Variants in DEPDC5 observed in about 807,000 individuals in gnomAD.
The protein encoded by DEPDC5 is GATOR1 complex protein DEPDC5.
In DEPDC5, 73 loss-of-function variants were observed where a neutral mutation model predicts 217.3. The ratio of observed to expected loss-of-function variants is 0.34; its 90% confidence interval spans 0.28 to 0.41. The LOEUF is 0.41. Among genes scored for constraint, DEPDC5 ranks in the 10% least tolerant of loss-of-function variants. DEPDC5 has a pLI of 1.00. For synonymous variants in DEPDC5, 733 were observed against 756.7 expected (o/e 0.97, Z 0.51); for missense variants, 1,675 against 2,070.1 (o/e 0.81, Z 3.70).
chr22:31,813,082 A>G (rs1313342502), intron 20 of DEPDC5, among the ~76,000 whole-genome samples: 2 of 152,134 alleles, frequency 1.3e-5, no homozygotes, highest in African/African-American at 4.8e-5. Flanking sequence ...GAGTGGAAGA[A>G]TATTATGTCT....
At chr22:31,841,579 G>A (rs1003216158) in intron 27 of DEPDC5, among the ~76,000 whole-genome samples, 3 of 152,196 alleles carry the variant, frequency 2.0e-5, no homozygotes, top group African/African-American at 7.2e-5. Flanking sequence ...GAAGTGTCCC[G>A]TTGGTTACTT....
intron 28 of DEPDC5, among the ~76,000 whole-genome samples, 195 bp downstream of exon 28, chr22:31,843,407 T>C (rs1355101550): frequency 1.3e-5 from 2 of 152,208 alleles, no homozygotes; most frequent in African/African-American, 2.4e-5. Flanking sequence ...ATTCATCTTA[T>C]AATGTTTAGC....
chr22:31,899,909 C>T (rs2093619269), intron 40 of DEPDC5, among the ~76,000 whole-genome samples: 1 of 152,190 alleles, frequency 6.6e-6, no homozygotes, highest in African/African-American at 2.4e-5. Flanking sequence ...TCCACCCTTC[C>T]CCCTCCACTC....
intron 38 of DEPDC5, among the ~76,000 whole-genome samples, chr22:31,880,741 A>C (rs2093150806): frequency 6.6e-6 from 1 of 151,974 alleles, no homozygotes; most frequent in Non-Finnish European, 1.5e-5. Flanking sequence ...CTATATTAAA[A>C]ATACAAAATT....
chr22:31,883,715 G>C (rs773791400), intron 38 of DEPDC5, among the ~76,000 whole-genome samples: 2 of 152,228 alleles, frequency 1.3e-5, no homozygotes, highest in Middle Eastern at 3.2e-3. Context: ...TCTCAGGACT[G>C]CCTGGCCCTG....
At chr22:31,755,858 A>T (rs746423426) in intron 2 of DEPDC5, among the ~76,000 whole-genome samples, 73 of 151,600 alleles carry the variant, frequency 4.8e-4, no homozygotes, top group Non-Finnish European at 8.1e-4. Context: ...GAATCTTTTT[A>T]TTTTATTTTA....
chr22:31,770,385 GT>G (rs995820943), intron 7 of DEPDC5, among the ~76,000 whole-genome samples: 25 of 145,118 alleles, frequency 1.7e-4, no homozygotes, highest in Non-Finnish European at 2.1e-4. Context: ...TTGTTTTTTT[GT>G]TTTTTTTTTT....
At chr22:31,835,600 G>T (rs994110571) in intron 25 of DEPDC5, among the ~76,000 whole-genome samples, 2 of 152,196 alleles carry the variant, frequency 1.3e-5, no homozygotes, top group African/African-American at 2.4e-5. Context: ...AGGACATAAA[G>T]ATAGATTTGT....
rs1347249299 is a variant in DEPDC5, at chr22:31,822,748, A to G, written c.2062A>G (p.Thr688Ala). 7 of 1,614,158 alleles carry G rather than the reference A, an allele frequency of 4.3e-6. No individual in the cohort carries two copies. The highest frequency in any genetic ancestry group is 1.7e-4 in the Middle Eastern group (1 of 6,060). The change falls in exon 24 of 43, where the codon ACA (threonine) becomes GCA (alanine). Residue 688 changes from threonine (T) to alanine (A), a missense_variant. By Grantham distance (58) the Thr-to-Ala change is moderately conservative. Transcript: ENST00000651528. ...CATGTCCTTCTTGAACTTCAGTGGA[A>G]CAGAGGAGCTTTCTGTCGGCCTGCT... is the stretch of plus-strand genomic sequence containing the variant. The part of the protein sequence containing the change: ...DGMSFLNFSG[T>A]EELSVGLLSN...
In DEPDC5 at chr22:31,821,566, CA is replaced by C. The variant is rs775732498; in HGVS notation, c.1936del (p.Ser646AlafsTer16). The C allele has an allele frequency of 5.0e-6, 8 of 1,614,096 alleles. No homozygotes were observed. The highest frequency in any genetic ancestry group is 2.7e-5 in the African/African-American group (2 of 74,926). On this transcript the variant is annotated frameshift_variant, in exon 23 of 43. Transcript: ENST00000651528. LOFTEE classifies it high-confidence loss of function. ...GACAGAATATGGCGGAGCTACAAGG[CA>C]GCGGGCAGAGGGATCCAACTCACTC... Reference protein sequence around the residue: ...TRQNMAELQGSGQRDPTHSSA... With the variant: ...TRQNMAELQGXGQRDPTHSSA...
At chr22:31,830,426 G>C (rs1203197816) in intron 24 of DEPDC5, among the ~76,000 whole-genome samples, 1 of 152,264 alleles carries the variant, frequency 6.6e-6, no homozygotes, top group African/African-American at 2.4e-5. Flanking sequence ...TTGCAGGCTG[G>C]TGGGACTCTT....
intron 33 of DEPDC5, among the ~76,000 whole-genome samples, chr22:31,864,640 C>T (rs1419870536): frequency 4.0e-5 from 6 of 151,194 alleles, no homozygotes; most frequent in Admixed American, 1.3e-4. Context: ...CTCAGTCATG[C>T]GTGGTGGCTC....
intron 27 of DEPDC5, among the ~76,000 whole-genome samples, chr22:31,841,672 A>G (rs1454813680): frequency 3.3e-5 from 5 of 152,224 alleles, no homozygotes; most frequent in Admixed American, 2.0e-4. Flanking sequence ...TTACACTTCT[A>G]TGCAAACGTC....
intron 24 of DEPDC5, 87 bp downstream of exon 24, chr22:31,822,877 T>A: frequency 1.5e-6 from 2 of 1,351,174 alleles, no homozygotes; most frequent in South Asian, 2.5e-5. Flanking sequence ...AGCAGGGCCA[T>A]GTCTATTTTG....
At chr22:31,790,399 AC>A (rs2085478554) in intron 10 of DEPDC5, among the ~76,000 whole-genome samples, 1 of 151,988 alleles carries the variant, frequency 6.6e-6, no homozygotes, top group African/African-American at 2.4e-5. Context: ...ATCTGTAAAC[AC>A]CCTACTTCTA....
chr22:31,822,933 C>T, intron 24 of DEPDC5, 143 bp downstream of exon 24: 1 of 735,308 alleles, frequency 1.4e-6, no homozygotes, highest in Non-Finnish European at 2.2e-6. Flanking sequence ...AGAAACAGTG[C>T]TCTATAATGC....
At chr22:31,905,758 C>T (rs2093746863) in intron 41 of DEPDC5, among the ~76,000 whole-genome samples, 1 of 151,884 alleles carries the variant, frequency 6.6e-6, no homozygotes, top group African/African-American at 2.4e-5. Flanking sequence ...AGATGACGGG[C>T]TGCTGGGTGT....
intron 26 of DEPDC5, 172 bp downstream of exon 26, chr22:31,837,327 G>T: frequency 6.1e-6 from 4 of 652,922 alleles, no homozygotes; most frequent in South Asian, 2.5e-5. Context: ...AAAAAACATT[G>T]AATTGTATTT....
chr22:31,760,701 G>C lies in DEPDC5; in HGVS notation c.192G>C (p.Lys64Asn). The change falls in exon 4 of 43, where the codon AAG (lysine) becomes AAC (asparagine). Residue 64 changes from lysine (K) to asparagine (N), a missense_variant and splice_region_variant. Physicochemically the swap from Lys to Asn is moderately conservative, Grantham distance 94. Transcript: ENST00000651528. ...AGTCTCTTAAGGAAGATTTACAGAA[G>C]GGTAAGAATTATATCACTCTTCTTA... ...QVKSLKEDLQKETISVDQTVT... is the reference protein window; with the variant it reads ...QVKSLKEDLQNETISVDQTVT... 1 of 1,609,574 alleles carries C rather than the reference G, an allele frequency of 6.2e-7. No individual in the cohort carries two copies. The highest frequency in any genetic ancestry group is 1.3e-5 in the African/African-American group (1 of 74,778).
Sources: gnomAD v4.1 joint callset for allele counts (sites outside exome capture counted in the v4.1 genomes callset) on GRCh38, gnomAD v4.1.1 for gene constraint, MANE v1.5 for transcripts, NCBI Gene and HGNC (gene_info 2026-07-23, HGNC 2026-07-21) for gene names.